Variants in GPC3 observed in about 807,000 individuals in gnomAD.
GPC3 encodes glypican-3.
A neutral mutation model predicts 34.4 loss-of-function variants in GPC3; 3 were observed. The ratio of observed to expected loss-of-function variants is 0.09; its 90% CI spans 0.04 to 0.23. The LOEUF is 0.23. Among genes scored for constraint, GPC3 ranks in the 10% least tolerant of loss-of-function variants. The pLI is 1.00. For synonymous variants in GPC3, 177 were observed against 174.0 expected (o/e 1.02, Z -0.13); for missense variants, 351 against 445.6 (o/e 0.79, Z 1.91).
At chrX:133,625,609 G>C (rs780592249) in intron 6 of GPC3, among the ~76,000 whole-genome samples, 2 of 111,593 alleles carry the variant, frequency 1.8e-5, no homozygotes, top group East Asian at 5.7e-4. Context: ...CAACTTCCAA[G>C]GGATGTGAAG....
intron 2 of GPC3, among the ~76,000 whole-genome samples, chrX:133,830,690 A>AC (rs1411170822): frequency 1.9e-5 from 2 of 107,038 alleles, no homozygotes; most frequent in African/African-American, 6.8e-5. Context: ...AAAAAAAAAA[A>AC]AAAAAAAAAA....
intron 2 of GPC3, among the ~76,000 whole-genome samples, chrX:133,945,701 C>G (rs1178739966): frequency 9.2e-6 from 1 of 108,393 alleles, no homozygotes. Flanking sequence ...TTGCAGTGAG[C>G]CAAGATCAGG....
At chrX:133,666,544 C>T (rs894760845) in intron 5 of GPC3, among the ~76,000 whole-genome samples, 1 of 112,327 alleles carries the variant, frequency 8.9e-6, no homozygotes, top group Non-Finnish European at 1.9e-5. Context: ...TATTTAAAAA[C>T]TCTGTGTTCT....
chrX:133,682,630 G>C (rs1188928056), intron 5 of GPC3, among the ~76,000 whole-genome samples: 2 of 111,753 alleles, frequency 1.8e-5, no homozygotes, highest in African/African-American at 6.5e-5. Context: ...CATATTAAAT[G>C]TCCTGCCCAA....
chrX:133,672,640 C>T (rs1037256258), intron 5 of GPC3, among the ~76,000 whole-genome samples: 7 of 111,255 alleles, frequency 6.3e-5, no homozygotes, highest in African/African-American at 2.3e-4. Flanking sequence ...CGATCTTTAC[C>T]TGGTGTGTTT....
intron 7 of GPC3, among the ~76,000 whole-genome samples, chrX:133,560,844 T>C (rs1175903023): frequency 8.9e-6 from 1 of 112,230 alleles, no homozygotes; most frequent in African/African-American, 3.2e-5. Flanking sequence ...TTAAAAAATC[T>C]TGGATGGGTT....
chrX:133,682,892 G>A (rs970858883), intron 5 of GPC3, among the ~76,000 whole-genome samples: 5 of 108,108 alleles, frequency 4.6e-5, no homozygotes, highest in South Asian at 4.3e-4. Flanking sequence ...GCTTGAATCC[G>A]GGAGGCTGAG....
chrX:133,815,392 G>C (rs1002815613), intron 2 of GPC3, among the ~76,000 whole-genome samples: 1 of 110,856 alleles, frequency 9.0e-6, no homozygotes, highest in African/African-American at 3.3e-5. Context: ...AACAGATCTT[G>C]TAGAACTTAT....
intron 7 of GPC3, among the ~76,000 whole-genome samples, chrX:133,571,150 A>AACGGTTTCT (rs1225806724): frequency 1.8e-5 from 2 of 111,451 alleles, no homozygotes; most frequent in East Asian, 5.6e-4. Context: ...TACAAGTGAG[A>AACGGTTTCT]ACGGTTTCTC....
In GPC3 at chrX:133,687,092, A is replaced by ATTTTTT. The variant is rs775110101; in HGVS notation, c.1292+5271_1292+5276dup. On this transcript the variant is annotated intron_variant, in intron 5 of 7. Coordinates refer to ENST00000370818, the MANE Select transcript of GPC3 (RefSeq NM_004484.4). ...GGGCACCTGCCACCATGGCCGGCTAATTTTTTTTTTTTTTTTTTTTTTTGT... is the reference window on the plus strand; with the variant it reads ...GGGCACCTGCCACCATGGCCGGCTAATTTTTTTTTTTTTTTTTTTTTTTTTTTTTGT... Among the ~76,000 whole-genome samples, 94 of 69,244 alleles carry ATTTTTT rather than the reference A, an allele frequency of 1.4e-3. 2 individuals carry two copies. The highest frequency in any genetic ancestry group is 6.6e-3 in the African/African-American group (83 of 12,649). The allele number at this position is 69,244 out of a possible 115,157, so 60.1% of individuals were successfully genotyped here.
intron 2 of GPC3, among the ~76,000 whole-genome samples, chrX:133,870,205 T>C (rs1290404335): frequency 8.9e-6 from 1 of 111,945 alleles, no homozygotes; most frequent in Non-Finnish European, 1.9e-5. Context: ...GTCAAAAAAT[T>C]GATGATTTAA....
At chrX:133,962,370 G>A (rs1318684310) in intron 1 of GPC3, among the ~76,000 whole-genome samples, 1 of 111,943 alleles carries the variant, frequency 8.9e-6, no homozygotes. Context: ...GTCTCAAGGG[G>A]CCCATTGTAG....
At chrX:133,561,336 C>T (rs921882231) in intron 7 of GPC3, among the ~76,000 whole-genome samples, 5 of 112,497 alleles carry the variant, frequency 4.4e-5, no homozygotes, top group African/African-American at 1.6e-4. Flanking sequence ...TACAATCTCT[C>T]TTCATTCTTA....
At chrX:133,938,376 C>T (rs748726763) in intron 2 of GPC3, among the ~76,000 whole-genome samples, 52 of 111,383 alleles carry the variant, frequency 4.7e-4, no homozygotes, top group Non-Finnish European at 9.2e-4. Flanking sequence ...ACTACACTGC[C>T]TTTTATTATT....
chrX:133,901,979 G>T (rs2076146145), intron 2 of GPC3, among the ~76,000 whole-genome samples: 1 of 111,855 alleles, frequency 8.9e-6, no homozygotes, highest in Non-Finnish European at 1.9e-5. Context: ...AGGGACGTTA[G>T]AACTGTGCCT....
intron 2 of GPC3, among the ~76,000 whole-genome samples, chrX:133,825,810 G>A (rs1474980518): frequency 8.9e-6 from 1 of 111,840 alleles, no homozygotes; most frequent in Non-Finnish European, 1.9e-5. Flanking sequence ...GGCTAAGGCA[G>A]AGTTGTCAAC....
intron 3 of GPC3, among the ~76,000 whole-genome samples, chrX:133,715,277 C>A (rs2071303757): frequency 8.9e-6 from 1 of 111,964 alleles, no homozygotes; most frequent in South Asian, 3.8e-4. Flanking sequence ...CAGTGGTTTG[C>A]CAGGGGCACT....
In GPC3 at chrX:133,642,974, G is replaced by T. The variant is rs1401365819; in HGVS notation, c.1413+18756C>A. ...CCTACTTTGCATATCAAATACTAAGGAATTTATTTCCCTAAGGAGTTGGAC... is the reference window on the plus strand; with the variant it reads ...CCTACTTTGCATATCAAATACTAAGTAATTTATTTCCCTAAGGAGTTGGAC... On this transcript the variant is annotated intron_variant, in intron 6 of 7. Coordinates refer to ENST00000370818, the MANE Select transcript of GPC3 (RefSeq NM_004484.4). Among the ~76,000 whole-genome samples, 3 of 111,053 alleles carry T rather than the reference G, an allele frequency of 2.7e-5. No homozygotes were observed. The East Asian group carries it at 8.5e-4, about 31-fold the overall frequency.
chrX:133,643,654 C>T (rs2070507678), intron 6 of GPC3, among the ~76,000 whole-genome samples: 2 of 110,972 alleles, frequency 1.8e-5, no homozygotes, highest in South Asian at 7.7e-4. Flanking sequence ...TACTTTACTA[C>T]TGTCTCATAG....
Sources: allele counts gnomAD v4.1 joint callset (sites outside exome capture counted in the v4.1 genomes callset), GRCh38; gene constraint gnomAD v4.1.1; transcripts MANE v1.5; gene names NCBI Gene and HGNC (gene_info 2026-07-23, HGNC 2026-07-21).